CUTC: variants seen among roughly 807,000 people sequenced by gnomAD.
CUTC encodes cutC copper transporter.
CUTC carries 27 observed loss-of-function variants against 36.2 expected under a neutral mutation model. The ratio of observed to expected loss-of-function variants is 0.75; its 90% confidence interval spans 0.55 to 1.03. The LOEUF (loss-of-function observed/expected upper bound fraction) is 1.03. Ranked by LOEUF, CUTC falls within the 50% of genes least tolerant of loss-of-function variation. The probability of loss-of-function intolerance (pLI) is 0.00; values close to 1 mark genes in which losing one functional copy is unlikely to be tolerated. For synonymous variants in CUTC, 114 were observed against 118.3 expected (o/e 0.96, Z 0.24); for missense variants, 315 against 343.5 (o/e 0.92, Z 0.66).
rs182286071 is a variant in CUTC at position 99,736,128 on chromosome 10, T to C, written c.62-118T>C. 1,449 of 734,456 alleles carry C rather than the reference T, an allele frequency of 2.0e-3. 13 individuals are homozygous for C. The highest frequency in any genetic ancestry group is 2.5e-4 in the Non-Finnish European group (104 of 414,664). 45.5% of individuals were successfully genotyped at this position (734,456 alleles called of 1,614,324 possible). A position where few individuals can be genotyped will look rare whatever the true frequency, so the allele number is the denominator to read the frequency against. ...TTGCATTCATGGGCCCTAGTGTACT[T>C]ATCTATTACCTGTTATTGGACATTT... On this transcript the variant is annotated intron_variant, in intron 1 of 8. Coordinates refer to ENST00000370476, the MANE Select transcript of CUTC (RefSeq NM_015960.3).
intron 5 of CUTC, among the ~76,000 whole-genome samples, chr10:99,746,326 C>G (rs1277221165): frequency 6.6e-6 from 1 of 152,048 alleles, no homozygotes; most frequent in Admixed American, 6.6e-5. Context: ...CACATAGACA[C>G]ATAGAGGGGA....
In CUTC at chr10:99,743,961, T is replaced by C. The variant is rs2037359576; in HGVS notation, c.404-76T>C. 3.3e-6 allele frequency: 4 copies of C among 1,209,012 alleles called. No homozygotes were observed. The Admixed American group carries it at 6.9e-5, about 21-fold the overall frequency. 74.9% of individuals were successfully genotyped at this position (1,209,012 alleles called of 1,614,324 possible). A position where few individuals can be genotyped will look rare whatever the true frequency, so the allele number is the denominator to read the frequency against. On this transcript the variant is annotated intron_variant, in intron 4 of 8. Coordinates refer to ENST00000370476, the MANE Select transcript of CUTC (RefSeq NM_015960.3). The stretch of plus-strand genomic sequence containing the variant: ...GAAGAAAGTATTAAAAAGTTTCAGC[T>C]AACATGGAGAATTCTATATATAGTA...
rs183676513 is a variant in CUTC, at chr10:99,740,088, A to G, written c.193+319A>G. Reference sequence around the variant, plus strand: ...GAAATCCCCTCCTGGTCTTTGTGCTATTGTTGTCATATATTTTACTCATAC... The same window carrying G: ...GAAATCCCCTCCTGGTCTTTGTGCTGTTGTTGTCATATATTTTACTCATAC... On this transcript the variant is annotated intron_variant, in intron 3 of 8. Transcript: ENST00000370476. Among the ~76,000 whole-genome samples, 5 of 152,248 alleles carry G rather than the reference A, an allele frequency of 3.3e-5. No homozygotes were observed. In the East Asian group the frequency reaches 7.7e-4, roughly 23 times the overall value.
intron 7 of CUTC, among the ~76,000 whole-genome samples, chr10:99,751,656 G>A (rs1271271439): frequency 6.6e-6 from 1 of 152,146 alleles, no homozygotes; most frequent in Non-Finnish European, 1.5e-5. Context: ...TCAAGAGTTC[G>A]AGACCAGCCT....
intron 6 of CUTC, among the ~76,000 whole-genome samples, chr10:99,748,813 C>T (rs945071057): frequency 1.3e-5 from 2 of 152,022 alleles, no homozygotes; most frequent in Admixed American, 6.6e-5. Context: ...TGGAATTGTT[C>T]CATACAAAAC....
intron 2 of CUTC, 21 bp from the exon 3 acceptor site, chr10:99,739,689 A>G (rs752156713): frequency 6.2e-7 from 1 of 1,606,302 alleles, no homozygotes; most frequent in South Asian, 1.1e-5. Context: ...AAATGTGTTG[A>G]GCAATGCTTT....
Position 99,736,249 on chromosome 10 carries a change from C to T in CUTC, c.65C>T (p.Ala22Val). The T allele has an allele frequency of 6.2e-7, 1 of 1,613,134 alleles. No individual in the cohort carries two copies. Among genetic ancestry groups the T allele is most frequent in the Admixed American group, 1.7e-5 (1 of 60,016 alleles). Residue 22 changes from alanine to valine, a missense_variant, in exon 2 of 9, where the codon GCA becomes GTA. Transcript: ENST00000370476. The stretch of plus-strand genomic sequence containing the variant: ...TACCATTCTCCATGTATTTTAGGAG[C>T]AGCAAATGGATTTCTCATGGAAGTT... The part of the protein sequence containing the change: ...RARIPSGKAG[A>V]ANGFLMEVCV...
intron 5 of CUTC, among the ~76,000 whole-genome samples, chr10:99,746,415 G>T (rs1480536100): frequency 6.6e-6 from 1 of 151,880 alleles, no homozygotes; most frequent in Non-Finnish European, 1.5e-5. Flanking sequence ...TGAGTACTAG[G>T]CTTAATACCT....
Position 99,755,826 on chromosome 10 carries a change from C to T in CUTC, c.*87C>T. 1 of 850,800 alleles carries T rather than the reference C, an allele frequency of 1.2e-6. No individual in the cohort carries two copies. The highest frequency in any genetic ancestry group is 1.5e-5 in the South Asian group (1 of 65,442). 52.7% of individuals were successfully genotyped at this position (850,800 alleles called of 1,614,324 possible). Reference sequence around the variant, plus strand: ...TCTATGACACAGCTTTAACCTTCTTCTCTGGCCAGGACAGTCGCAATCTTT... The same window carrying T: ...TCTATGACACAGCTTTAACCTTCTTTTCTGGCCAGGACAGTCGCAATCTTT... On this transcript the variant is annotated 3_prime_UTR_variant, in exon 9 of 9. Coordinates refer to ENST00000370476, the MANE Select transcript of CUTC (RefSeq NM_015960.3).
chr10:99,739,464 T>C (rs1398448104), intron 2 of CUTC, among the ~76,000 whole-genome samples: 2 of 152,208 alleles, frequency 1.3e-5, no homozygotes, highest in African/African-American at 2.4e-5. Context: ...GGCAACCCTA[T>C]AATACAAAAA....
intron 7 of CUTC, 48 bp downstream of exon 7, chr10:99,750,444 G>C (rs1326118902): frequency 6.8e-7 from 1 of 1,481,136 alleles, no homozygotes; most frequent in Non-Finnish European, 9.2e-7. Context: ...AACTATAGTG[G>C]AGGAAGAGCA....
intron 6 of CUTC, among the ~76,000 whole-genome samples, chr10:99,750,033 T>C (rs1452560237): frequency 6.6e-6 from 1 of 152,066 alleles, no homozygotes; most frequent in Admixed American, 6.6e-5. Flanking sequence ...TAAGTACATA[T>C]ATATGTAAGT....
At chr10:99,746,115 T>C (rs1215895558) in intron 5 of CUTC, among the ~76,000 whole-genome samples, 5 of 152,200 alleles carry the variant, frequency 3.3e-5, no homozygotes, top group Non-Finnish European at 7.3e-5. Flanking sequence ...TTACCATATA[T>C]GAGTGCTACC....
intron 7 of CUTC, among the ~76,000 whole-genome samples, chr10:99,751,356 T>G: frequency 6.6e-6 from 1 of 152,162 alleles, no homozygotes; most frequent in East Asian, 1.9e-4. Context: ...GGTTATCTTT[T>G]GTTTGTTTGT....
At chr10:99,751,676 G>A (rs773813815) in intron 7 of CUTC, among the ~76,000 whole-genome samples, 9 of 152,248 alleles carry the variant, frequency 5.9e-5, no homozygotes, top group Non-Finnish European at 8.8e-5. Context: ...TGGCCAACAT[G>A]GTGAAATCCT....
chr10:99,750,463 A>C, intron 7 of CUTC, 67 bp downstream of exon 7: 1 of 1,271,296 alleles, frequency 7.9e-7, no homozygotes, highest in Non-Finnish European at 1.1e-6. Flanking sequence ...CAAAGGAGGC[A>C]GGAAAATGTG....
intron 7 of CUTC, among the ~76,000 whole-genome samples, 153 bp downstream of exon 7, chr10:99,750,549 A>G (rs926701762): frequency 6.6e-6 from 1 of 152,144 alleles, no homozygotes; most frequent in Admixed American, 6.5e-5. Context: ...TAAAATGTTT[A>G]AAACTGGGAG....
At chr10:99,750,455 A>G in intron 7 of CUTC, 59 bp downstream of exon 7, 3 of 1,364,394 alleles carry the variant, frequency 2.2e-6, no homozygotes, top group South Asian at 2.7e-5. Context: ...AGGAAGAGCA[A>G]AGGAGGCAGG....
intron 3 of CUTC, among the ~76,000 whole-genome samples, chr10:99,742,707 T>TAAA (rs75714060): frequency 7.4e-6 from 1 of 134,486 alleles, no homozygotes; most frequent in Non-Finnish European, 1.6e-5. Flanking sequence ...GTATCTTGTT[T>TAAA]AAAAAAAAAA....
Sources: gnomAD v4.1 joint callset for allele counts (sites outside exome capture counted in the v4.1 genomes callset) on GRCh38, gnomAD v4.1.1 for gene constraint, MANE v1.5 for transcripts, NCBI Gene and HGNC (gene_info 2026-07-23, HGNC 2026-07-21) for gene names.